GDPD5: variants seen among roughly 807,000 people sequenced by gnomAD.
GDPD5 encodes the protein glycerophosphodiester phosphodiesterase 2.
GDPD5 carries 48 observed loss-of-function variants against 75.1 expected under a neutral mutation model. The ratio of observed to expected loss-of-function variants is 0.64; its 90% confidence interval spans 0.51 to 0.81. The LOEUF (loss-of-function observed/expected upper bound fraction) is 0.81. Among genes scored for constraint, GDPD5 ranks in the 40% least tolerant of loss-of-function variants. The probability of loss-of-function intolerance (pLI) is 0.00; values close to 1 mark genes in which losing one functional copy is unlikely to be tolerated. For synonymous variants in GDPD5, 336 were observed against 339.0 expected, an observed-to-expected ratio of 0.99 and a Z score of 0.10; for missense variants, 706 against 822.6, an observed-to-expected ratio of 0.86 and a Z score of 1.73.
chr11:75,481,460 C>CCCTGGGGAGG (rs367944168), intron 2 of GDPD5, among the ~76,000 whole-genome samples: 1 of 152,132 alleles, frequency 6.6e-6, no homozygotes, highest in African/African-American at 2.4e-5. Context: ...TTCCGGGGAG[C>CCCTGGGGAGG]CCTGGGGAGG....
intron 3 of GDPD5, among the ~76,000 whole-genome samples, chr11:75,474,858 C>T (rs973959395): frequency 1.3e-5 from 2 of 152,220 alleles, no homozygotes; most frequent in Admixed American, 1.3e-4. Flanking sequence ...TGCTCTTTCT[C>T]CTCCATCAGG....
chr11:75,507,908 C>T (rs943767726), intron 1 of GDPD5, among the ~76,000 whole-genome samples: 20 of 152,152 alleles, frequency 1.3e-4, no homozygotes, highest in African/African-American at 3.9e-4. Context: ...GCCCTTGACC[C>T]GCACTCTGGG....
intron 1 of GDPD5, among the ~76,000 whole-genome samples, chr11:75,515,386 C>A (rs1219488973): frequency 6.6e-6 from 1 of 152,238 alleles, no homozygotes; most frequent in African/African-American, 2.4e-5. Context: ...CTGCTCCCTG[C>A]CTGGCAAGAA....
chr11:75,438,889 A>G (rs185267682), intron 15 of GDPD5: 18 of 175,976 alleles, frequency 1.0e-4, no homozygotes, highest in Admixed American at 9.2e-4. Flanking sequence ...AAAGGTAAAC[A>G]GGAAGAGTGA....
intron 1 of GDPD5, among the ~76,000 whole-genome samples, chr11:75,500,830 C>G (rs1950292290): frequency 6.6e-6 from 1 of 152,192 alleles, no homozygotes; most frequent in Non-Finnish European, 1.5e-5. Flanking sequence ...CCAGTGCCAT[C>G]TGACGCCAAG....
chr11:75,471,456 A>T (rs1949662768), intron 3 of GDPD5, among the ~76,000 whole-genome samples: 1 of 152,206 alleles, frequency 6.6e-6, no homozygotes, highest in East Asian at 1.9e-4. Context: ...GGTGCATTGC[A>T]CTCAGAGTGG....
chr11:75,524,861 T>G (rs1213728125), intron 1 of GDPD5, among the ~76,000 whole-genome samples: 1 of 152,174 alleles, frequency 6.6e-6, no homozygotes. Context: ...GTGCTCTGCC[T>G]CTTCCCCCTC....
intron 2 of GDPD5, among the ~76,000 whole-genome samples, chr11:75,488,177 C>A (rs1039843379): frequency 2.0e-5 from 3 of 152,046 alleles, no homozygotes; most frequent in Admixed American, 1.3e-4. Context: ...TCCAAGCCAC[C>A]AGGACTGTAT....
intron 1 of GDPD5, among the ~76,000 whole-genome samples, chr11:75,494,259 G>T (rs1336138913): frequency 6.8e-6 from 1 of 148,126 alleles, no homozygotes; most frequent in Non-Finnish European, 1.5e-5. Flanking sequence ...ACCCAGGCTG[G>T]AAGGCTGGAG....
intron 1 of GDPD5, among the ~76,000 whole-genome samples, chr11:75,498,353 G>C (rs1540210): frequency 6.6e-6 from 1 of 152,036 alleles, no homozygotes; most frequent in South Asian, 2.1e-4. Context: ...CCTGAGCACC[G>C]TCTATGGAAA....
intron 2 of GDPD5, chr11:75,479,634 T>A (rs993260315): frequency 1.3e-5 from 2 of 152,216 alleles, no homozygotes; most frequent in African/African-American, 4.8e-5. Context: ...CCATCACCAC[T>A]ATCTAATCCC....
At chr11:75,472,559 G>A (rs947469784) in intron 3 of GDPD5, among the ~76,000 whole-genome samples, 2 of 152,074 alleles carry the variant, frequency 1.3e-5, no homozygotes, top group African/African-American at 4.8e-5. Context: ...ACCACCAGGA[G>A]CACAGGAGGC....
In GDPD5 at chr11:75,492,357, C is replaced by T. The variant is rs527650391; in HGVS notation, c.-144-2037G>A. 3.9e-5 allele frequency: 6 copies of T among 152,378 alleles called. No individual in the cohort carries two copies. The East Asian group carries it at 7.7e-4, about 20-fold the overall frequency. 9.4% of individuals were successfully genotyped at this position (152,378 alleles called of 1,614,324 possible). ...CCACCCCCACCTTGCCTTCCCAGCA[C>T]GGGGCCAATGGGAGCCTGTGAGTCA... is the stretch of plus-strand genomic sequence containing the variant. On this transcript the variant is annotated intron_variant, in intron 1 of 16. Coordinates refer to ENST00000336898, the MANE Select transcript of GDPD5 (RefSeq NM_030792.8).
rs201513451 is a variant in GDPD5 at position 75,449,644 on chromosome 11, C to T, written c.475-34G>A. 272 of 1,551,712 alleles carry T rather than the reference C, an allele frequency of 1.8e-4. No individual in the cohort carries two copies. In the African/African-American group the frequency reaches 2.7e-3, roughly 15 times the overall value. On this transcript the variant is annotated intron_variant, in intron 7 of 16. Transcript: ENST00000336898. ...AGGGAGAGGGAAGGGAGACCAGTAACGCCCAGCTCTGCCCAGACCCTGTGT... is the reference window on the plus strand; with the variant it reads ...AGGGAGAGGGAAGGGAGACCAGTAATGCCCAGCTCTGCCCAGACCCTGTGT...
chr11:75,478,415 G>C (rs1949828717), intron 2 of GDPD5, among the ~76,000 whole-genome samples: 1 of 152,212 alleles, frequency 6.6e-6, no homozygotes, highest in Non-Finnish European at 1.5e-5. Flanking sequence ...CAAAGTGCTG[G>C]GATGACAGGC....
At chr11:75,489,318 T>TG (rs1202112392) in intron 2 of GDPD5, among the ~76,000 whole-genome samples, 1 of 152,236 alleles carries the variant, frequency 6.6e-6, no homozygotes, top group Non-Finnish European at 1.5e-5. Flanking sequence ...ATCACTGTCA[T>TG]GAACATCACT....
At chr11:75,444,519 G>C in intron 9 of GDPD5, 24 bp from the exon 10 acceptor site, 2 of 1,574,762 alleles carry the variant, frequency 1.3e-6, no homozygotes, top group Non-Finnish European at 1.7e-6. Flanking sequence ...GGTGGTGAAG[G>C]GAGAGCCAAG....
Position 75,474,080 on chromosome 11 carries a change from C to T in GDPD5, c.117+3539G>A, listed in dbSNP as rs1479862963. Among the ~76,000 whole-genome samples, 4 of 152,234 alleles carry T rather than the reference C, an allele frequency of 2.6e-5. No individual in the cohort carries two copies. The East Asian group carries it at 7.7e-4, about 29-fold the overall frequency. The stretch of plus-strand genomic sequence containing the variant: ...GTTTGGTGTGGAACAGATGAGAAGG[C>T]ACAGGCCTGGGGGTGTGAGTGGGGT... On this transcript the variant is annotated intron_variant, in intron 3 of 16. Coordinates refer to ENST00000336898, the MANE Select transcript of GDPD5 (RefSeq NM_030792.8).
Position 75,436,963 on chromosome 11 carries a change from T to C in GDPD5, c.1642A>G (p.Ile548Val), listed in dbSNP as rs751456136. The change falls in exon 16 of 17, where the codon ATC becomes GTC. Residue 548 changes from isoleucine (I) to valine (V), a missense_variant. By Grantham distance (29) the Ile-to-Val change is conservative. Transcript: ENST00000336898. ...AVRRTSRDVS[I>V]MKEKLIFSEI... ...GAGAAAATAAGCTTCTCCTTCATGATGCTGACGTCCCGGCTGGTCCGGCGC... is the reference window on the plus strand; with the variant it reads ...GAGAAAATAAGCTTCTCCTTCATGACGCTGACGTCCCGGCTGGTCCGGCGC... 1 of 1,613,668 alleles carries C rather than the reference T, an allele frequency of 6.2e-7. No homozygotes were observed. The highest frequency in any genetic ancestry group is 2.2e-5 in the East Asian group (1 of 44,886).
Sources: gnomAD v4.1 joint callset for allele counts (sites outside exome capture counted in the v4.1 genomes callset) on GRCh38, gnomAD v4.1.1 for gene constraint, MANE v1.5 for transcripts, NCBI Gene and HGNC (gene_info 2026-07-23, HGNC 2026-07-21) for gene names.